Variants in CACNA2D1 observed in about 807,000 individuals in gnomAD.
CACNA2D1 encodes the protein voltage-dependent calcium channel subunit alpha-2/delta-1.
In CACNA2D1, 53 loss-of-function variants were observed where a neutral mutation model predicts 171.5. The ratio of observed to expected loss-of-function variants is 0.31; its 90% CI spans 0.25 to 0.39. CACNA2D1 has a LOEUF of 0.39. CACNA2D1 is among the 10% of genes least tolerant of loss of function. The probability of loss-of-function intolerance (pLI) is 1.00; values close to 1 mark genes in which losing one functional copy is unlikely to be tolerated. For synonymous variants in CACNA2D1, 442 were observed against 443.1 expected (o/e 1.00, Z 0.03); for missense variants, 903 against 1,299.8 (o/e 0.69, Z 4.69).
chr7:82,400,274 T>A (rs967273330), intron 1 of CACNA2D1, among the ~76,000 whole-genome samples: 27 of 151,658 alleles, frequency 1.8e-4, no homozygotes, highest in Non-Finnish European at 3.2e-4. Flanking sequence ...TGGCATTGAA[T>A]CTGTAAATTA....
At chr7:82,169,897 A>G (rs38541) in intron 4 of CACNA2D1, among the ~76,000 whole-genome samples, 8 of 151,530 alleles carry the variant, frequency 5.3e-5, no homozygotes. Flanking sequence ...AGGATAGATA[A>G]ATGATAGATA....
chr7:82,411,101 T>C (rs926996398), intron 1 of CACNA2D1, among the ~76,000 whole-genome samples: 1 of 152,200 alleles, frequency 6.6e-6, no homozygotes, highest in Non-Finnish European at 1.5e-5. Context: ...GTCTTCCAGG[T>C]AACAATCACT....
Position 82,395,881 on chromosome 7 carries a change from A to C in CACNA2D1, c.96-46232T>G, listed in dbSNP as rs566653718. 1.4e-4 allele frequency among the ~76,000 whole-genome samples: 21 copies of C among 152,332 alleles called. No homozygotes were observed. The South Asian group carries it at 4.4e-3, about 32-fold the overall frequency. Reference sequence around the variant, plus strand: ...TTGAGTCCCAATCATTGGCATAAAAAAAATAAAATGGGCATAAAACACATT... The same window carrying C: ...TTGAGTCCCAATCATTGGCATAAAACAAATAAAATGGGCATAAAACACATT... On this transcript the variant is annotated intron_variant, in intron 1 of 38. Transcript: ENST00000356860.
At chr7:82,426,608 T>C (rs970127542) in intron 1 of CACNA2D1, among the ~76,000 whole-genome samples, 2 of 152,216 alleles carry the variant, frequency 1.3e-5, no homozygotes, top group Middle Eastern at 3.2e-3. Context: ...AGTAGTATGG[T>C]AATTATTGCT....
chr7:82,360,748 A>T (rs1820998607), intron 1 of CACNA2D1, among the ~76,000 whole-genome samples: 1 of 152,216 alleles, frequency 6.6e-6, no homozygotes, highest in African/African-American at 2.4e-5. Flanking sequence ...TATACAAACA[A>T]ATGTATGAAT....
At chr7:82,322,578 T>C (rs194136) in intron 3 of CACNA2D1, among the ~76,000 whole-genome samples, 45,952 of 151,802 alleles carry the variant, frequency 0.3, 7,789 homozygotes, top group East Asian at 0.52. Context: ...ATAATAGCGC[T>C]ACTGCACTCC....
intron 3 of CACNA2D1, among the ~76,000 whole-genome samples, chr7:82,263,990 T>TAGGC (rs1487973951): frequency 6.6e-6 from 1 of 152,188 alleles, no homozygotes; most frequent in African/African-American, 2.4e-5. Context: ...CATGATTATG[T>TAGGC]AGGCCGTCAC....
At chr7:81,953,276 C>G (rs533678916) in intron 38 of CACNA2D1, among the ~76,000 whole-genome samples, 2 of 152,220 alleles carry the variant, frequency 1.3e-5, no homozygotes, top group African/African-American at 4.8e-5. Flanking sequence ...TAACACCACA[C>G]ATTCTTTCAC....
At chr7:82,395,411 G>A (rs990654826) in intron 1 of CACNA2D1, among the ~76,000 whole-genome samples, 1 of 152,080 alleles carries the variant, frequency 6.6e-6, no homozygotes, top group Admixed American at 6.6e-5. Flanking sequence ...GGTTATCCAC[G>A]GCATTCTGCT....
intron 3 of CACNA2D1, among the ~76,000 whole-genome samples, chr7:82,255,989 C>G (rs1245021981): frequency 6.6e-6 from 1 of 152,052 alleles, no homozygotes; most frequent in Non-Finnish European, 1.5e-5. Context: ...TAAAGTTTGA[C>G]TATCAGGCCG....
chr7:82,255,214 C>T (rs1806155240), intron 3 of CACNA2D1, among the ~76,000 whole-genome samples: 2 of 152,124 alleles, frequency 1.3e-5, no homozygotes, highest in South Asian at 4.1e-4. Flanking sequence ...CACCTCCCGA[C>T]CACCCACACT....
chr7:82,417,810 T>A (rs4728508), intron 1 of CACNA2D1, among the ~76,000 whole-genome samples: 7,454 of 152,130 alleles, frequency 0.049, 330 homozygotes, highest in East Asian at 0.12. Flanking sequence ...TGAGTACCTA[T>A]AAAAAGGGGG....
chr7:82,426,477 T>C (rs1418845037), intron 1 of CACNA2D1, among the ~76,000 whole-genome samples: 2 of 152,138 alleles, frequency 1.3e-5, no homozygotes, highest in Non-Finnish European at 1.5e-5. Context: ...AACAGCATAA[T>C]GTAATTGATT....
chr7:82,423,498 G>A (rs1253520783), intron 1 of CACNA2D1, among the ~76,000 whole-genome samples: 1 of 152,088 alleles, frequency 6.6e-6, no homozygotes, highest in Non-Finnish European at 1.5e-5. Flanking sequence ...TGAATTCATG[G>A]CAAATAGTAA....
At chr7:82,132,464 G>A (rs1327508005) in intron 5 of CACNA2D1, among the ~76,000 whole-genome samples, 1 of 152,222 alleles carries the variant, frequency 6.6e-6, no homozygotes. Flanking sequence ...TGGTCACTAA[G>A]TTGTGGACAA....
chr7:82,111,430 A>ATATATGTGTG (rs1788417267), intron 6 of CACNA2D1, among the ~76,000 whole-genome samples: 11 of 64,292 alleles, frequency 1.7e-4, no homozygotes, highest in Non-Finnish European at 2.7e-4. Context: ...ATATGTGTGT[A>ATATATGTGTG]TATATATATA....
chr7:82,193,974 C>T (rs1798599144), intron 3 of CACNA2D1, among the ~76,000 whole-genome samples: 1 of 151,894 alleles, frequency 6.6e-6, no homozygotes, highest in South Asian at 2.1e-4. Context: ...TTTCATGGTG[C>T]ACTGGAATCC....
chr7:81,952,307 G>T (rs1440392642), intron 38 of CACNA2D1, among the ~76,000 whole-genome samples: 1 of 151,972 alleles, frequency 6.6e-6, no homozygotes, highest in African/African-American at 2.4e-5. Flanking sequence ...AGCTCCCAAA[G>T]AATAAGAACT....
chr7:82,373,841 T>C lies in CACNA2D1; in HGVS notation c.96-24192A>G, dbSNP rs138204095. Among the ~76,000 whole-genome samples, 332 of 152,368 alleles carry C rather than the reference T, an allele frequency of 2.2e-3. 2 individuals carry two copies. Among genetic ancestry groups the C allele is most frequent in the Non-Finnish European group, 3.4e-3 (229 of 68,034 alleles). ...GTATCTCCAAATAAGTTCAGTGTGATCATACATTTTAAAACAAAAATATGC... is the reference window on the plus strand; with the variant it reads ...GTATCTCCAAATAAGTTCAGTGTGACCATACATTTTAAAACAAAAATATGC... On this transcript the variant is annotated intron_variant, in intron 1 of 38. Coordinates refer to ENST00000356860, the MANE Select transcript of CACNA2D1 (RefSeq NM_000722.4).
Sources: allele counts gnomAD v4.1 joint callset (sites outside exome capture counted in the v4.1 genomes callset), GRCh38; gene constraint gnomAD v4.1.1; transcripts MANE v1.5; gene names NCBI Gene and HGNC (gene_info 2026-07-23, HGNC 2026-07-21).